Variants in DPH6 observed in about 807,000 individuals in gnomAD.
The protein encoded by DPH6 is diphthine--ammonia ligase.
DPH6 carries 33 observed loss-of-function variants against 38.2 expected under a neutral mutation model. The observed-to-expected ratio is 0.86, with a 90% CI of 0.65 to 1.15. The LOEUF is 1.15. Ranked by LOEUF, DPH6 falls within the 50% of genes most tolerant of loss-of-function variation. The probability of loss-of-function intolerance (pLI) is 0.00; values close to 1 mark genes in which losing one functional copy is unlikely to be tolerated. For synonymous variants in DPH6, 108 were observed against 103.0 expected (o/e 1.05, Z -0.30); for missense variants, 325 against 320.0 (o/e 1.02, Z -0.12).
chr15:35,189,098 C>T, the DPH6 span, among the ~76,000 whole-genome samples: 7 of 152,092 alleles, frequency 4.6e-5, no homozygotes, highest in Admixed American at 1.3e-4. Flanking sequence ...TCCTAAGCAA[C>T]GAGATGATCA....
intron 5 of DPH6, among the ~76,000 whole-genome samples, chr15:35,427,092 C>G (rs1010186177): frequency 6.6e-6 from 1 of 151,656 alleles, no homozygotes; most frequent in Admixed American, 6.6e-5. Context: ...GGCTGAGTTT[C>G]TCCTCTGGTA....
At chr15:35,224,146 A>C (rs2051463088) in intron 3 of DPH6, among the ~76,000 whole-genome samples, 1 of 120,928 alleles carries the variant, frequency 8.3e-6, no homozygotes, top group Non-Finnish European at 1.6e-5. Context: ...TTGCTCTGTC[A>C]CCCAGGCTAG....
intron 3 of DPH6, chr15:35,489,856 C>T: frequency 3.1e-6 from 3 of 969,888 alleles, no homozygotes; most frequent in Non-Finnish European, 3.7e-6. Flanking sequence ...ATAAGAGTTA[C>T]CTGGATTATA....
intron 3 of DPH6, among the ~76,000 whole-genome samples, chr15:35,298,048 TG>T (rs1238273106): frequency 9.2e-5 from 14 of 152,116 alleles, no homozygotes; most frequent in African/African-American, 3.1e-4. Context: ...ATTTTCTTTT[TG>T]TTTTTTTTGT....
chr15:35,171,127 AAGC>A, the DPH6 span, among the ~76,000 whole-genome samples: 1 of 152,234 alleles, frequency 6.6e-6, no homozygotes, highest in Non-Finnish European at 1.5e-5. Context: ...GATGCACTGG[AAGC>A]AGAACTGGAT....
At chr15:35,238,582 A>T (rs1037797021) in intron 3 of DPH6, among the ~76,000 whole-genome samples, 6 of 152,178 alleles carry the variant, frequency 3.9e-5, no homozygotes, top group Non-Finnish European at 5.9e-5. Flanking sequence ...TCTTCTTGGA[A>T]ATTTGGGAAA....
intron 6 of DPH6, among the ~76,000 whole-genome samples, chr15:35,391,728 G>A (rs1345514781): frequency 6.6e-6 from 1 of 152,202 alleles, no homozygotes; most frequent in Non-Finnish European, 1.5e-5. Flanking sequence ...CGATTTTCCA[G>A]GTGCCGTCTG....
chr15:35,276,651 T>A (rs1243673960), intron 3 of DPH6, among the ~76,000 whole-genome samples: 1 of 152,222 alleles, frequency 6.6e-6, no homozygotes, highest in African/African-American at 2.4e-5. Flanking sequence ...ATTCTACATG[T>A]GGCTAGTCAA....
chr15:35,387,092 A>G (rs937375632), intron 6 of DPH6, among the ~76,000 whole-genome samples: 18 of 152,198 alleles, frequency 1.2e-4, no homozygotes, highest in African/African-American at 4.3e-4. Flanking sequence ...CATTTATTAA[A>G]TAGGGAATCC....
At chr15:35,521,956 C>G in intron 3 of DPH6, 1 of 1,420,532 alleles carries the variant, frequency 7.0e-7, no homozygotes, top group Non-Finnish European at 9.2e-7. Flanking sequence ...TTTGCCAAAT[C>G]TTGCCTAGGT....
intron 3 of DPH6, among the ~76,000 whole-genome samples, chr15:35,495,233 T>C (rs186169907): frequency 1.3e-5 from 2 of 152,286 alleles, no homozygotes; most frequent in Admixed American, 6.5e-5. Flanking sequence ...GTGTGGGCTC[T>C]TATCCAATAT....
the DPH6 span, among the ~76,000 whole-genome samples, chr15:35,192,632 A>C: frequency 2.0e-5 from 3 of 152,210 alleles, no homozygotes. Flanking sequence ...ATTTGGAATC[A>C]ATAATTTGGG....
At position 35,387,439 on chromosome 15, in the gene DPH6, G is replaced by A. The variant is rs373941466; in HGVS notation, c.568-5523C>T. Among the ~76,000 whole-genome samples, 3 of 152,240 alleles carry A rather than the reference G, an allele frequency of 2.0e-5. No individual in the cohort carries two copies. In the East Asian group the frequency reaches 5.8e-4, roughly 29 times the overall value. ...TCTATAAATTACCTTGGGCAGTATG[G>A]CCATTTTCACGATATTGATTCTTCC... On this transcript the variant is annotated intron_variant, in intron 6 of 8. Coordinates refer to ENST00000256538, the MANE Select transcript of DPH6 (RefSeq NM_080650.4).
At chr15:35,180,491 G>A in the DPH6 span, among the ~76,000 whole-genome samples, 1 of 150,820 alleles carries the variant, frequency 6.6e-6, no homozygotes, top group Non-Finnish European at 1.5e-5. Flanking sequence ...AGATGTATTT[G>A]CCTACTTTGC....
intron 3 of DPH6, among the ~76,000 whole-genome samples, chr15:35,358,927 G>C (rs550144462): frequency 2.6e-5 from 4 of 152,218 alleles, no homozygotes; most frequent in African/African-American, 9.6e-5. Context: ...ACTAGTGGTG[G>C]GTAGGGCCCT....
chr15:35,355,800 C>A (rs555220112), intron 3 of DPH6, among the ~76,000 whole-genome samples: 2 of 152,244 alleles, frequency 1.3e-5, no homozygotes, highest in East Asian at 3.9e-4. Flanking sequence ...TTGTGGCATT[C>A]TCTGTATTTC....
intron 5 of DPH6, among the ~76,000 whole-genome samples, chr15:35,422,276 G>T (rs1019170419): frequency 6.6e-6 from 1 of 151,902 alleles, no homozygotes; most frequent in South Asian, 2.1e-4. Flanking sequence ...CAGAAGCCAT[G>T]AAGTGAAATC....
chr15:35,298,897 CT>C, intron 3 of DPH6: 1 of 898,198 alleles, frequency 1.1e-6, no homozygotes, highest in Non-Finnish European at 1.9e-6. Flanking sequence ...GGGTAACTGT[CT>C]TTTACTGCCA....
intron 3 of DPH6, among the ~76,000 whole-genome samples, chr15:35,228,524 G>A (rs1050890307): frequency 6.6e-6 from 1 of 152,112 alleles, no homozygotes; most frequent in Admixed American, 6.6e-5. Flanking sequence ...GACCCTCTGG[G>A]CTCAAGGAAT....
Sources: allele counts gnomAD v4.1 joint callset (sites outside exome capture counted in the v4.1 genomes callset), GRCh38; gene constraint gnomAD v4.1.1; transcripts MANE v1.5; gene names NCBI Gene and HGNC (gene_info 2026-07-23, HGNC 2026-07-21).